The following TSNARE1 variants were observed in gnomAD, a reference collection of about 807,000 sequenced individuals.
TSNARE1 encodes the protein t-SNARE domain containing 1, also known as t-SNARE domain-containing protein 1.
Under a neutral mutation model 62.0 loss-of-function variants are expected in TSNARE1, and 49 were observed. The ratio of observed to expected loss-of-function variants is 0.79; its 90% CI spans 0.63 to 1.00. The LOEUF is 1.00. TSNARE1 is among the 50% of genes least tolerant of loss of function. The pLI, the probability that TSNARE1 is intolerant of heterozygous loss-of-function variation, is 0.00. For synonymous variants in TSNARE1, 328 were observed against 294.4 expected, an observed-to-expected ratio of 1.11 and a Z score of -1.17; for missense variants, 755 against 700.1, an observed-to-expected ratio of 1.08 and a Z score of -0.88.
chr8:142,343,323 A>T (rs1010558360), intron 4 of TSNARE1, among the ~76,000 whole-genome samples: 2 of 152,146 alleles, frequency 1.3e-5, no homozygotes, highest in Non-Finnish European at 2.9e-5. Flanking sequence ...TCAGAAAACC[A>T]GTTTAGTAAG....
chr8:142,288,868 G>C (rs896622736), intron 10 of TSNARE1, among the ~76,000 whole-genome samples: 2 of 152,260 alleles, frequency 1.3e-5, no homozygotes, highest in African/African-American at 4.8e-5. Flanking sequence ...CAGTGGCTGT[G>C]CCTCCTGTGA....
chr8:142,352,700 G>A (rs1175387337), intron 2 of TSNARE1, among the ~76,000 whole-genome samples: 1 of 152,238 alleles, frequency 6.6e-6, no homozygotes, highest in Non-Finnish European at 1.5e-5. Context: ...TCTGAGCCCA[G>A]GGAAGTTCAA....
intron 2 of TSNARE1, among the ~76,000 whole-genome samples, chr8:142,346,718 C>A (rs545630226): frequency 2.0e-5 from 3 of 152,230 alleles, no homozygotes; most frequent in African/African-American, 7.2e-5. Flanking sequence ...CAGCCACATC[C>A]GCGGCCTCCA....
chr8:142,278,725 C>T (rs569314313), intron 11 of TSNARE1: 8 of 985,360 alleles, frequency 8.1e-6, no homozygotes, highest in East Asian at 1.1e-4. Flanking sequence ...GGAGTGGGCC[C>T]GTGGGCTCGG....
intron 10 of TSNARE1, 140 bp from the exon 11 acceptor site, chr8:142,284,625 C>A (rs1822373581): frequency 5.8e-6 from 4 of 687,890 alleles, no homozygotes; most frequent in Non-Finnish European, 5.2e-6. Context: ...TGGGGACCGG[C>A]TGGTCTGTCC....
At chr8:142,255,572 C>T (rs137932905) in intron 12 of TSNARE1, among the ~76,000 whole-genome samples, 164 of 14,682 alleles carry the variant, frequency 0.011, 27 homozygotes, top group Middle Eastern at 0.1. Context: ...ACCACCATCA[C>T]CATCACCACC....
chr8:142,364,413 CACACTCATTT>C (rs1382876711), intron 1 of TSNARE1, among the ~76,000 whole-genome samples: 1 of 152,184 alleles, frequency 6.6e-6, no homozygotes, highest in Non-Finnish European at 1.5e-5. Flanking sequence ...ATCACACAGG[CACACTCATTT>C]ACATAGCTGA....
At chr8:142,327,081 G>C (rs1350555620) in intron 6 of TSNARE1, among the ~76,000 whole-genome samples, 4 of 152,172 alleles carry the variant, frequency 2.6e-5, no homozygotes, top group Non-Finnish European at 4.4e-5. Flanking sequence ...TACACAAAGA[G>C]CCACCGTATA....
intron 1 of TSNARE1, among the ~76,000 whole-genome samples, chr8:142,359,856 G>A (rs1319220146): frequency 6.6e-6 from 1 of 152,220 alleles, no homozygotes; most frequent in Admixed American, 6.5e-5. Flanking sequence ...GCCACAGCAT[G>A]CCACTCCTGT....
intron 1 of TSNARE1, among the ~76,000 whole-genome samples, chr8:142,380,277 TGC>T (rs1243214659): frequency 2.0e-5 from 3 of 152,148 alleles, no homozygotes; most frequent in African/African-American, 7.2e-5. Context: ...CGCAGATGGA[TGC>T]AGAGCCCGGG....
At chr8:142,315,189 C>G in intron 7 of TSNARE1, 97 bp from the exon 8 acceptor site, 1 of 1,244,408 alleles carries the variant, frequency 8.0e-7, no homozygotes, top group Non-Finnish European at 1.1e-6. Flanking sequence ...GTCCCACCTT[C>G]CCACACTCAG....
chr8:142,318,754 G>A (rs1828985962), intron 6 of TSNARE1, 120 bp from the exon 7 acceptor site: 2 of 851,234 alleles, frequency 2.3e-6, no homozygotes, highest in Non-Finnish European at 3.8e-6. Context: ...GAGACAGATG[G>A]ATGGACAGGC....
rs1204543308 is a variant in TSNARE1, at chr8:142,300,433, C to G, written c.1290+53G>C. 2.6e-6 allele frequency: 4 copies of G among 1,546,212 alleles called. No individual in the cohort carries two copies. In the African/African-American group the frequency reaches 5.4e-5, roughly 21 times the overall value. ...GCTGGCACCTGGGCTCCTCTGGTTC[C>G]CAGCCTCATGTGGAGTGTGGAGAGT... On this transcript the variant is annotated intron_variant, in intron 10 of 13. Coordinates refer to ENST00000524325, the MANE Select transcript of TSNARE1 (RefSeq NM_145003.5).
chr8:142,400,463 G>A (rs553910992), intron 1 of TSNARE1, among the ~76,000 whole-genome samples: 69 of 151,902 alleles, frequency 4.5e-4, no homozygotes, highest in African/African-American at 1.5e-3. Flanking sequence ...TAAAAGGGCC[G>A]GGCACGGTGG....
chr8:142,331,776 G>C lies in TSNARE1; in HGVS notation c.801C>G (p.Asn267Lys). Residue 267 changes from asparagine (N) to lysine (K), a missense_variant, in exon 5 of 14, where the codon AAC (asparagine) becomes AAG (lysine). Coordinates refer to ENST00000524325, the MANE Select transcript of TSNARE1 (RefSeq NM_145003.5). ...CACCACTGGAGTTGATTCGGAAGAC[G>C]TTGGCCGACATCTCCTGGAACAGCT... is the stretch of plus-strand genomic sequence containing the variant. ...LQELFQEMSA[N>K]VFRINSSVTS... 6.2e-7 allele frequency: 1 copy of C among 1,604,872 alleles called. No individual in the cohort carries two copies. The highest frequency in any genetic ancestry group is 8.5e-7 in the Non-Finnish European group (1 of 1,175,850).
At chr8:142,362,579 C>T (rs1203564878) in intron 1 of TSNARE1, among the ~76,000 whole-genome samples, 1 of 152,116 alleles carries the variant, frequency 6.6e-6, no homozygotes, top group Non-Finnish European at 1.5e-5. Flanking sequence ...CATACAAGCA[C>T]ACTAGGCCGA....
At chr8:142,333,422 T>A (rs1831333375) in intron 4 of TSNARE1, among the ~76,000 whole-genome samples, 1 of 152,176 alleles carries the variant, frequency 6.6e-6, no homozygotes, top group African/African-American at 2.4e-5. Context: ...ATTTTCCATA[T>A]TAAAATTTTT....
chr8:142,232,432 C>A (rs565578508), intron 12 of TSNARE1, among the ~76,000 whole-genome samples: 26 of 152,376 alleles, frequency 1.7e-4, no homozygotes, highest in African/African-American at 5.8e-4. Context: ...TCTCCCTGCG[C>A]TACGTCTCTA....
At chr8:142,220,382 G>A (rs905198642) in intron 13 of TSNARE1, among the ~76,000 whole-genome samples, 1 of 152,172 alleles carries the variant, frequency 6.6e-6, no homozygotes, top group Non-Finnish European at 1.5e-5. Context: ...TGCCCTCAGC[G>A]GTGGTCCTCA....
Sources: gnomAD v4.1 joint callset for allele counts (sites outside exome capture counted in the v4.1 genomes callset) on GRCh38, gnomAD v4.1.1 for gene constraint, MANE v1.5 for transcripts, NCBI Gene and HGNC (gene_info 2026-07-23, HGNC 2026-07-21) for gene names.